Variants in FBP2 observed in about 807,000 individuals in gnomAD.
FBP2 encodes fructose-1,6-bisphosphatase isozyme 2.
In FBP2, 27 loss-of-function variants were observed where a neutral mutation model predicts 31.6. The ratio of observed to expected loss-of-function variants is 0.85; its 90% CI spans 0.63 to 1.18. The LOEUF is 1.18. FBP2 is among the 50% of genes most tolerant of loss of function. The probability of loss-of-function intolerance (pLI) is 0.00; values close to 1 mark genes in which losing one functional copy is unlikely to be tolerated. For synonymous variants in FBP2, 168 were observed against 179.8 expected (o/e 0.93, Z 0.53); for missense variants, 421 against 436.1 (o/e 0.97, Z 0.31).
intron 3 of FBP2, among the ~76,000 whole-genome samples, chr9:94,572,623 A>G (rs574705106): frequency 6.6e-6 from 1 of 152,266 alleles, no homozygotes; most frequent in South Asian, 2.1e-4. Flanking sequence ...ACTTGGTGGC[A>G]AGTACCAACT....
intron 1 of FBP2, among the ~76,000 whole-genome samples, chr9:94,591,649 A>C (rs1050855888): frequency 6.6e-6 from 1 of 152,204 alleles, no homozygotes; most frequent in Non-Finnish European, 1.5e-5. Flanking sequence ...TTGACGGCTC[A>C]GGCACAGGCA....
At chr9:94,591,484 G>A (rs1006540078) in intron 1 of FBP2, among the ~76,000 whole-genome samples, 2 of 152,210 alleles carry the variant, frequency 1.3e-5, no homozygotes, top group African/African-American at 2.4e-5. Flanking sequence ...CAGCTGGCCC[G>A]CAAGCGCCGC....
intron 3 of FBP2, chr9:94,576,829 T>C (rs1483973121): frequency 1.3e-5 from 2 of 152,190 alleles, no homozygotes; most frequent in Admixed American, 1.3e-4. Context: ...GAGCATTTTA[T>C]GCATTTGTAT....
At chr9:94,590,630 GGTGA>G (rs1410534643) in intron 1 of FBP2, among the ~76,000 whole-genome samples, 2 of 152,140 alleles carry the variant, frequency 1.3e-5, no homozygotes, top group Non-Finnish European at 2.9e-5. Context: ...AGATCTTCGC[GGTGA>G]GTGTTACAGA....
intron 3 of FBP2, among the ~76,000 whole-genome samples, chr9:94,576,461 G>A (rs73653487): frequency 0.15 from 22,521 of 152,114 alleles, 2,265 homozygotes; most frequent in African/African-American, 0.29. Flanking sequence ...TGTGCTCTGG[G>A]GGCCCAAGCC....
intron 3 of FBP2, among the ~76,000 whole-genome samples, 160 bp downstream of exon 3, chr9:94,584,417 G>C (rs578152190): frequency 6.6e-6 from 1 of 151,774 alleles, no homozygotes; most frequent in African/African-American, 2.4e-5. Flanking sequence ...TTCTTCTAAT[G>C]AGGAGCCCCA....
Position 94,558,820 on chromosome 9 carries a change from T to G in FBP2, c.*118A>C. The G allele has an allele frequency of 3.2e-6, 3 of 923,448 alleles. No individual in the cohort carries two copies. The highest frequency in any genetic ancestry group is 5.1e-6 in the Non-Finnish European group (3 of 586,226). The allele number at this position is 923,448 out of a possible 1,614,324, so 57.2% of individuals were successfully genotyped here. On this transcript the variant is annotated 3_prime_UTR_variant, in exon 7 of 7. Transcript: ENST00000375337. The stretch of plus-strand genomic sequence containing the variant: ...AGCAGTTTGTTGTTGCTCTTCTGTA[T>G]GTGATTAAGTGGATTTACCTTTTGT...
At position 94,563,612 on chromosome 9, in the gene FBP2, T is replaced by G. The variant is rs577715856; in HGVS notation, c.706-151A>C. Reference sequence around the variant, plus strand: ...GTAGGAATTGAAAAGATTATATAATTGTGCATTTCATTTATTATGAGCTCC... The same window carrying G: ...GTAGGAATTGAAAAGATTATATAATGGTGCATTTCATTTATTATGAGCTCC... On this transcript the variant is annotated intron_variant, in intron 5 of 6. Coordinates refer to ENST00000375337, the MANE Select transcript of FBP2 (RefSeq NM_003837.4). 123 of 855,202 alleles carry G rather than the reference T, an allele frequency of 1.4e-4. 1 individual carries two copies. The East Asian group carries it at 3.0e-3, about 21-fold the overall frequency. The allele number at this position is 855,202 out of a possible 1,614,324, so 53.0% of individuals were successfully genotyped here.
chr9:94,561,511 T>C (rs1027693200), intron 6 of FBP2, among the ~76,000 whole-genome samples: 1 of 151,992 alleles, frequency 6.6e-6, no homozygotes. Context: ...CACAGGCACA[T>C]GCCACCACGC....
intron 3 of FBP2, among the ~76,000 whole-genome samples, chr9:94,584,221 C>T (rs1001640501): frequency 6.6e-6 from 1 of 152,258 alleles, no homozygotes; most frequent in Non-Finnish European, 1.5e-5. Context: ...CTTTCTGTGG[C>T]TGGGGACAGG....
intron 3 of FBP2, among the ~76,000 whole-genome samples, chr9:94,582,769 C>T (rs1372805877): frequency 2.6e-5 from 4 of 151,436 alleles, no homozygotes; most frequent in African/African-American, 9.7e-5. Flanking sequence ...AGGATGGTCT[C>T]GATCTCCTGA....
At chr9:94,581,241 A>T (rs1827369615) in intron 3 of FBP2, among the ~76,000 whole-genome samples, 1 of 152,172 alleles carries the variant, frequency 6.6e-6, no homozygotes, top group Non-Finnish European at 1.5e-5. Flanking sequence ...AGCGTCTGAC[A>T]TAGTAAGGGC....
At chr9:94,573,279 G>A (rs1433281348) in intron 3 of FBP2, among the ~76,000 whole-genome samples, 2 of 152,184 alleles carry the variant, frequency 1.3e-5, no homozygotes, top group African/African-American at 4.8e-5. Flanking sequence ...TTTTTTCAGA[G>A]ACAGGGTCTT....
At chr9:94,563,229 T>C in intron 6 of FBP2, 113 bp downstream of exon 6, 1 of 1,224,656 alleles carries the variant, frequency 8.2e-7, no homozygotes, top group Non-Finnish European at 1.1e-6. Flanking sequence ...CCCCTGCCCA[T>C]CCCCACACAG....
intron 3 of FBP2, among the ~76,000 whole-genome samples, chr9:94,575,847 C>T (rs987976481): frequency 1.3e-5 from 2 of 152,162 alleles, no homozygotes; most frequent in African/African-American, 4.8e-5. Context: ...ATCTTCCTAA[C>T]GTAACTGGGC....
chr9:94,585,147 A>C (rs903457509), intron 2 of FBP2, among the ~76,000 whole-genome samples: 1 of 152,124 alleles, frequency 6.6e-6, no homozygotes, highest in Non-Finnish European at 1.5e-5. Flanking sequence ...TCCAATGAGT[A>C]TTGGCCTAGC....
chr9:94,561,707 A>G (rs1161140725), intron 6 of FBP2, among the ~76,000 whole-genome samples: 1 of 152,214 alleles, frequency 6.6e-6, no homozygotes, highest in African/African-American at 2.4e-5. Flanking sequence ...ACAGCTATAC[A>G]GATGCAGACA....
chr9:94,582,815 T>A (rs12115199), intron 3 of FBP2, among the ~76,000 whole-genome samples: 56,584 of 148,830 alleles, frequency 0.38, 11,445 homozygotes, highest in Admixed American at 0.49. Context: ...CCCAAATTGC[T>A]GGGATTACAG....
rs1564189362 is a variant in FBP2 at position 94,593,680 on chromosome 9, C to CG, written c.46dup (p.Arg16ProfsTer50). 2 of 1,614,208 alleles carry CG rather than the reference C, an allele frequency of 1.2e-6. No individual in the cohort carries two copies. The highest frequency in any genetic ancestry group is 1.7e-6 in the Non-Finnish European group (2 of 1,180,030). ...CTGACGCCCCTTTTCCATAACGTAG[C>CG]GGGTCAGGGTGAGCATGTCGGTTTC... On this transcript the variant is annotated frameshift_variant, in exon 1 of 7. Coordinates refer to ENST00000375337, the MANE Select transcript of FBP2 (RefSeq NM_003837.4). LOFTEE classifies it high-confidence loss of function.
Sources: gnomAD v4.1 joint callset for allele counts (sites outside exome capture counted in the v4.1 genomes callset) on GRCh38, gnomAD v4.1.1 for gene constraint, MANE v1.5 for transcripts, NCBI Gene and HGNC (gene_info 2026-07-23, HGNC 2026-07-21) for gene names.